BACE2: variants seen among roughly 807,000 people sequenced by gnomAD.
BACE2 encodes beta-secretase 2.
Under a neutral mutation model 46.2 loss-of-function variants are expected in BACE2, and 17 were observed. The observed-to-expected ratio is 0.37, with a 90% CI of 0.25 to 0.55. The LOEUF is 0.55. Among genes scored for constraint, BACE2 ranks in the 20% least tolerant of loss-of-function variants. The pLI is 0.82. For synonymous variants in BACE2, 277 were observed against 295.9 expected (o/e 0.94, Z 0.66); for missense variants, 595 against 698.1 (o/e 0.85, Z 1.66).
At chr21:41,217,830 C>A (rs532497237) in intron 1 of BACE2, among the ~76,000 whole-genome samples, 1 of 152,218 alleles carries the variant, frequency 6.6e-6, no homozygotes, top group Non-Finnish European at 1.5e-5. Context: ...GTAAAGGCGG[C>A]GGCCAGCAGC....
intron 1 of BACE2, among the ~76,000 whole-genome samples, chr21:41,201,498 A>G (rs1215849570): frequency 6.6e-6 from 1 of 152,228 alleles, no homozygotes; most frequent in Non-Finnish European, 1.5e-5. Flanking sequence ...AAAACCCAGC[A>G]CTTAAAACCT....
intron 1 of BACE2, chr21:41,186,315 C>T (rs1168200478): frequency 1.3e-5 from 2 of 152,318 alleles, no homozygotes; most frequent in African/African-American, 4.8e-5. Context: ...GTACTATGGA[C>T]ACTTGGCTGT....
chr21:41,267,406 ACT>A (rs1444102787), intron 8 of BACE2, among the ~76,000 whole-genome samples: 1 of 151,800 alleles, frequency 6.6e-6, no homozygotes, highest in Non-Finnish European at 1.5e-5. Flanking sequence ...AAAATTGACA[ACT>A]CTCTGTTATT....
intron 8 of BACE2, among the ~76,000 whole-genome samples, chr21:41,265,313 T>C (rs1225783778): frequency 6.6e-6 from 1 of 152,204 alleles, no homozygotes; most frequent in African/African-American, 2.4e-5. Flanking sequence ...CATTTATATA[T>C]ATCATTTGCA....
intron 1 of BACE2, among the ~76,000 whole-genome samples, chr21:41,211,958 G>A (rs1452918512): frequency 2.0e-5 from 3 of 152,258 alleles, no homozygotes; most frequent in Non-Finnish European, 4.4e-5. Flanking sequence ...CATCCAGGTG[G>A]CAGATTGGTG....
chr21:41,171,455 C>T (rs771914597), intron 1 of BACE2, among the ~76,000 whole-genome samples: 13 of 152,178 alleles, frequency 8.5e-5, no homozygotes, highest in South Asian at 2.1e-4. Flanking sequence ...GGCATGTGCC[C>T]GGAAGCCCGC....
chr21:41,196,315 CAAA>C (rs58910330), intron 1 of BACE2, among the ~76,000 whole-genome samples: 10 of 129,534 alleles, frequency 7.7e-5, no homozygotes, highest in Admixed American at 2.3e-4. Context: ...AAAACAAAAC[CAAA>C]AAAAAAAAAA....
At chr21:41,252,813 C>G (rs902962616) in intron 7 of BACE2, among the ~76,000 whole-genome samples, 1 of 152,164 alleles carries the variant, frequency 6.6e-6, no homozygotes, top group Admixed American at 6.5e-5. Context: ...GGTACTACTG[C>G]CTTTTCCCAT....
chr21:41,196,249 G>T (rs1985727715), intron 1 of BACE2, among the ~76,000 whole-genome samples: 1 of 151,518 alleles, frequency 6.6e-6, no homozygotes, highest in Admixed American at 6.6e-5. Context: ...AGTGAGCCGA[G>T]ATTGCACCAA....
At chr21:41,269,758 G>T (rs531200511) in intron 8 of BACE2, among the ~76,000 whole-genome samples, 1 of 152,306 alleles carries the variant, frequency 6.6e-6, no homozygotes, top group South Asian at 2.1e-4. Flanking sequence ...TTGTTGCCAA[G>T]TTTTGGGTTT....
chr21:41,175,633 C>G lies in BACE2; in HGVS notation c.312+7058C>G, dbSNP rs376246999. The G allele has an allele frequency of 2.6e-5, 4 of 153,096 alleles. No individual in the cohort carries two copies. The East Asian group carries it at 7.7e-4, about 29-fold the overall frequency. 9.5% of individuals were successfully genotyped at this position (153,096 alleles called of 1,614,324 possible). A position where few individuals can be genotyped will look rare whatever the true frequency, so the allele number is the denominator to read the frequency against. ...AAACCCCCACCAGCAGCACCCCCACCAGCAGCCAAAGAAAACAATTTCTAA... is the reference window on the plus strand; with the variant it reads ...AAACCCCCACCAGCAGCACCCCCACGAGCAGCCAAAGAAAACAATTTCTAA... On this transcript the variant is annotated intron_variant, in intron 1 of 8. Transcript: ENST00000330333.
intron 7 of BACE2, among the ~76,000 whole-genome samples, chr21:41,255,831 AC>A (rs1987772031): frequency 6.6e-6 from 1 of 152,216 alleles, no homozygotes; most frequent in Admixed American, 6.5e-5. Context: ...GTTTTATTTA[AC>A]CTTGTATAAC....
At chr21:41,214,033 A>G (rs989866326) in intron 1 of BACE2, among the ~76,000 whole-genome samples, 2 of 152,170 alleles carry the variant, frequency 1.3e-5, no homozygotes, top group African/African-American at 4.8e-5. Flanking sequence ...AACCGGCGCT[A>G]GTGTTTATTT....
At chr21:41,224,002 G>C (rs1009829769) in intron 1 of BACE2, among the ~76,000 whole-genome samples, 1 of 152,204 alleles carries the variant, frequency 6.6e-6, no homozygotes, top group East Asian at 1.9e-4. Context: ...CTAAAGTGAG[G>C]AGTCAGAGAA....
At chr21:41,238,182 GGACACCTCCGAGGA>G (rs1267791734) in intron 3 of BACE2, among the ~76,000 whole-genome samples, 4 of 152,190 alleles carry the variant, frequency 2.6e-5, no homozygotes, top group Non-Finnish European at 5.9e-5. Context: ...GCTCTGCAGG[GGACACCTCCGAGGA>G]GACACCCAGC....
chr21:41,259,790 G>A (rs968950893), intron 8 of BACE2, among the ~76,000 whole-genome samples: 6 of 151,436 alleles, frequency 4.0e-5, no homozygotes, highest in African/African-American at 1.5e-4. Context: ...ACCTTCTGCA[G>A]TTTCTTTCTT....
At chr21:41,226,560 A>T (rs560582735) in intron 2 of BACE2, among the ~76,000 whole-genome samples, 1 of 152,382 alleles carries the variant, frequency 6.6e-6, no homozygotes, top group South Asian at 2.1e-4. Flanking sequence ...GAGTCTCCTC[A>T]TGGCCTTCAC....
intron 8 of BACE2, among the ~76,000 whole-genome samples, chr21:41,272,406 T>C (rs1423093401): frequency 6.6e-6 from 1 of 152,094 alleles, no homozygotes; most frequent in Non-Finnish European, 1.5e-5. Flanking sequence ...CACAATCCCT[T>C]CTTCCTTTTG....
chr21:41,270,971 T>C (rs1217817390), intron 8 of BACE2, among the ~76,000 whole-genome samples: 1 of 152,228 alleles, frequency 6.6e-6, no homozygotes, highest in Non-Finnish European at 1.5e-5. Flanking sequence ...GTTTTATGTA[T>C]TTTGAAACAC....
Sources: allele counts gnomAD v4.1 joint callset (sites outside exome capture counted in the v4.1 genomes callset), GRCh38; gene constraint gnomAD v4.1.1; transcripts MANE v1.5; gene names NCBI Gene and HGNC (gene_info 2026-07-23, HGNC 2026-07-21).